The following ADGRE3 variants were observed in gnomAD, a reference collection of about 807,000 sequenced individuals.
ADGRE3 encodes the protein EGF-like module receptor 3.
ADGRE3 carries 88 observed loss-of-function variants against 80.1 expected under a neutral mutation model. That is an observed-to-expected ratio of 1.10 (90% CI 0.93 to 1.31). ADGRE3 has a LOEUF of 1.31. Ranked by LOEUF, ADGRE3 falls within the 40% of genes most tolerant of loss-of-function variation. The probability of loss-of-function intolerance (pLI) is 0.00; values close to 1 mark genes in which losing one functional copy is unlikely to be tolerated. For missense variants in ADGRE3, 715 were observed against 776.5 expected (o/e 0.92, Z 0.94); for synonymous variants, 281 against 294.8 (o/e 0.95, Z 0.48).
rs111548045 is a variant in ADGRE3, at chr19:14,667,163, T to C, written c.76+1639A>G. On this transcript the variant is annotated intron_variant, in intron 2 of 15. Transcript: ENST00000253673. ...GACTTGCTGTTGTCTGGGGGAGGCT[T>C]GGCAGAGAGGAAATGTGGCTGCTGG... Among the ~76,000 whole-genome samples the C allele has an allele frequency of 7.6e-3, 1,156 of 152,240 alleles. 14 individuals are homozygous for C. Among genetic ancestry groups the C allele is most frequent in the African/African-American group, 0.027 (1,119 of 41,546 alleles).
chr19:14,666,728 T>A (rs1468190056), intron 2 of ADGRE3, among the ~76,000 whole-genome samples: 2 of 152,060 alleles, frequency 1.3e-5, no homozygotes, highest in Non-Finnish European at 2.9e-5. Context: ...TGGAGCAAAA[T>A]AGTCACCCAC....
intron 10 of ADGRE3, 28 bp from the exon 11 acceptor site, chr19:14,638,368 G>A (rs1599620191): frequency 1.3e-6 from 2 of 1,567,812 alleles, no homozygotes; most frequent in Admixed American, 1.7e-5. Context: ...GATGCCTGAA[G>A]GGGTTGTCAG....
chr19:14,654,457 G>A (rs1474188816), intron 6 of ADGRE3, among the ~76,000 whole-genome samples: 1 of 151,292 alleles, frequency 6.6e-6, no homozygotes, highest in African/African-American at 2.4e-5. Context: ...AGAGATGGGG[G>A]TCTTGCTATG....
At chr19:14,658,344 T>C (rs1451895287) in intron 5 of ADGRE3, 169 bp downstream of exon 5, 3 of 288,636 alleles carry the variant, frequency 1.0e-5, no homozygotes, top group Non-Finnish European at 1.9e-5. Flanking sequence ...TAATAATATA[T>C]TATGTATTTA....
the ADGRE3 span, among the ~76,000 whole-genome samples, chr19:14,608,095 C>G: frequency 6.6e-6 from 1 of 151,874 alleles, no homozygotes; most frequent in Non-Finnish European, 1.5e-5. Context: ...TGGTTTTGAA[C>G]TTCTGAGCTC....
chr19:14,617,393 T>TCTTTCTTTCTTTCTTTCTTTCTTC (rs1360808243), downstream of ADGRE3, among the ~76,000 whole-genome samples: 1 of 141,854 alleles, frequency 7.0e-6, no homozygotes, highest in South Asian at 2.3e-4. Context: ...TTTCTTTCTT[T>TCTTTCTTTCTTTCTTTCTTTCTTC]CTTTCTTTTC....
intron 15 of ADGRE3, among the ~76,000 whole-genome samples, chr19:14,624,756 TAAA>T (rs796369865): frequency 3.8e-5 from 5 of 132,184 alleles, no homozygotes; most frequent in Admixed American, 7.7e-5. Flanking sequence ...CCCTGTCTCT[TAAA>T]AAAAAAAAAA....
At position 14,644,226 on chromosome 19, in the gene ADGRE3, C is replaced by T. The variant is rs769000753; in HGVS notation, c.932G>A (p.Gly311Glu). The change falls in exon 9 of 16, where the codon GGG becomes GAG. Residue 311 changes from glycine (G) to glutamate (E), a missense_variant. Coordinates refer to ENST00000253673, the MANE Select transcript of ADGRE3 (RefSeq NM_032571.5). ...ATCCCTGGACCACTGGCTGCCCTGC[C>T]CTGTGCTCTTCCAGTAGACACAGAA... ...KVFCVYWKST[G>E]QGSQWSRDGC... The T allele has an allele frequency of 6.2e-7, 1 of 1,602,378 alleles. No homozygotes were observed. The highest frequency in any genetic ancestry group is 8.5e-7 in the Non-Finnish European group (1 of 1,175,218).
At position 14,650,961 on chromosome 19, in the gene ADGRE3, C is replaced by T. The variant is rs1264421364; in HGVS notation, c.697+124G>A. 2.4e-5 allele frequency: 23 copies of T among 957,694 alleles called. 1 individual carries two copies. The highest frequency in any genetic ancestry group is 1.4e-4 in the Admixed American group (5 of 35,048). 59.3% of individuals were successfully genotyped at this position (957,694 alleles called of 1,614,324 possible). Reference sequence around the variant, plus strand: ...TTTTTTTTTTTTTTAAAGGGAAAATCTCCAATATCGTAGTTTGAGGGTAAA... The same window carrying T: ...TTTTTTTTTTTTTTAAAGGGAAAATTTCCAATATCGTAGTTTGAGGGTAAA... On this transcript the variant is annotated intron_variant, in intron 7 of 15. Coordinates refer to ENST00000253673, the MANE Select transcript of ADGRE3 (RefSeq NM_032571.5).
At chr19:14,636,106 CTTTCTT>C (rs1971061213) in intron 11 of ADGRE3, among the ~76,000 whole-genome samples, 3 of 36,626 alleles carry the variant, frequency 8.2e-5, no homozygotes, top group African/African-American at 2.9e-4. Context: ...TTCTTTCTTT[CTTTCTT>C]TCTTTCTTTC....
At chr19:14,634,610 A>C (rs1261301800) in intron 11 of ADGRE3, among the ~76,000 whole-genome samples, 3 of 152,128 alleles carry the variant, frequency 2.0e-5, no homozygotes, top group Non-Finnish European at 4.4e-5. Context: ...AGTCCTGTTG[A>C]ATTTTCACAC....
intron 11 of ADGRE3, among the ~76,000 whole-genome samples, chr19:14,635,080 G>C (rs57705976): frequency 0.22 from 33,843 of 151,820 alleles, 4,289 homozygotes; most frequent in African/African-American, 0.35. Context: ...CACATTCCTC[G>C]TCATTGTTTA....
chr19:14,651,974 A>G (rs182273104), intron 6 of ADGRE3, among the ~76,000 whole-genome samples: 42 of 152,328 alleles, frequency 2.8e-4, no homozygotes, highest in African/African-American at 9.4e-4. Context: ...CCGGGGAGGC[A>G]GAGGTTGCAG....
At chr19:14,624,430 G>A (rs1970682172) in intron 15 of ADGRE3, among the ~76,000 whole-genome samples, 1 of 151,962 alleles carries the variant, frequency 6.6e-6, no homozygotes. Flanking sequence ...TTTACATTGT[G>A]GAAATTGAAT....
intron 3 of ADGRE3, among the ~76,000 whole-genome samples, chr19:14,662,920 A>G (rs1296512718): frequency 1.3e-5 from 2 of 151,592 alleles, no homozygotes; most frequent in Non-Finnish European, 2.9e-5. Flanking sequence ...AAAAAAAAAA[A>G]AAAAAAAATT....
At chr19:14,662,314 C>T (rs908858968) in intron 3 of ADGRE3, among the ~76,000 whole-genome samples, 196 bp from the exon 4 acceptor site, 8 of 131,538 alleles carry the variant, frequency 6.1e-5, no homozygotes, top group African/African-American at 2.4e-4. Context: ...GACAATGAGA[C>T]GAGAATATAA....
Position 14,647,163 on chromosome 19 carries a change from A to G in ADGRE3, c.882+18T>C. On this transcript the variant is annotated intron_variant, in intron 8 of 15. Transcript: ENST00000253673. ...CCTCCTTGAGAACCCACAAGCTCAA[A>G]TCATACCTGTGACCCACCTTCACGT... 6.2e-7 allele frequency: 1 copy of G among 1,610,944 alleles called. No individual in the cohort carries two copies. The highest frequency in any genetic ancestry group is 8.5e-7 in the Non-Finnish European group (1 of 1,177,470).
Position 14,625,545 on chromosome 19 carries a change from A to C in ADGRE3, c.1867T>G (p.Ser623Ala), listed in dbSNP as rs1290572039. 1 of 1,613,814 alleles carries C rather than the reference A, an allele frequency of 6.2e-7. No homozygotes were observed. Among genetic ancestry groups the C allele is most frequent in the Non-Finnish European group, 8.5e-7 (1 of 1,179,872 alleles). ...TTGCTGGAAAGTGTGTATGTCTCAG[A>C]CTCAGATTTTGATTTTACGATCTCT... The part of the protein sequence containing the change: ...FREIVKSKSE[S>A]ETYTLSSKMG... The change falls in exon 15 of 16, where the codon TCT (serine) becomes GCT (alanine). Residue 623 changes from serine to alanine, a missense_variant. Physicochemically the swap from Ser to Ala is moderately conservative, Grantham distance 99 (BLOSUM62 1). Coordinates refer to ENST00000253673, the MANE Select transcript of ADGRE3 (RefSeq NM_032571.5).
chr19:14,659,822 G>GA (rs66908687), intron 4 of ADGRE3, among the ~76,000 whole-genome samples: 16,152 of 44,446 alleles, frequency 0.36, 4,927 homozygotes, highest in East Asian at 0.5. Flanking sequence ...CTCTGCCTCT[G>GA]AAAAAAAAAA....
Sources: allele counts gnomAD v4.1 joint callset (sites outside exome capture counted in the v4.1 genomes callset), GRCh38; gene constraint gnomAD v4.1.1; transcripts MANE v1.5; gene names NCBI Gene and HGNC (gene_info 2026-07-23, HGNC 2026-07-21).